Variants in TACR1 observed in about 807,000 individuals in gnomAD.
TACR1 encodes substance-P receptor.
TACR1 carries 25 observed loss-of-function variants against 35.8 expected under a neutral mutation model. That is an observed-to-expected ratio of 0.70 (90% CI 0.51 to 0.98). TACR1 has a LOEUF of 0.98. TACR1 is among the 50% of genes least tolerant of loss of function. The pLI, the probability that TACR1 is intolerant of heterozygous loss-of-function variation, is 0.00. For missense variants in TACR1, 478 were observed against 522.9 expected (o/e 0.91, Z 0.84); for synonymous variants, 195 against 206.7 (o/e 0.94, Z 0.48).
chr2:75,164,094 G>T (rs13432434), intron 1 of TACR1, among the ~76,000 whole-genome samples: 11,912 of 152,116 alleles, frequency 0.078, 578 homozygotes, highest in Non-Finnish European at 0.096. Context: ...TTGGGAGGCC[G>T]AGGCGGATGG....
intron 1 of TACR1, among the ~76,000 whole-genome samples, chr2:75,132,114 G>A (rs1013451380): frequency 6.6e-6 from 1 of 152,136 alleles, no homozygotes; most frequent in African/African-American, 2.4e-5. Context: ...TTGATTAGAG[G>A]AAAGAATCTT....
chr2:75,174,724 T>C (rs1223168262), intron 1 of TACR1, among the ~76,000 whole-genome samples: 2 of 152,188 alleles, frequency 1.3e-5, no homozygotes, highest in Non-Finnish European at 2.9e-5. Flanking sequence ...TCCATAGCAA[T>C]GGAGAGTGAA....
intron 1 of TACR1, among the ~76,000 whole-genome samples, chr2:75,124,057 C>T (rs1674024718): frequency 1.3e-5 from 2 of 152,156 alleles, no homozygotes; most frequent in African/African-American, 4.8e-5. Flanking sequence ...AAGCATTAAT[C>T]ATTAGGCTGC....
intron 2 of TACR1, among the ~76,000 whole-genome samples, chr2:75,103,676 A>G (rs1173667471): frequency 6.6e-6 from 1 of 152,166 alleles, no homozygotes; most frequent in African/African-American, 2.4e-5. Context: ...GAGTAGGAAC[A>G]TTCCTCTCCA....
chr2:75,182,829 A>G (rs765724652), intron 1 of TACR1, among the ~76,000 whole-genome samples: 1 of 152,180 alleles, frequency 6.6e-6, no homozygotes, highest in Non-Finnish European at 1.5e-5. Context: ...AAATCACCCA[A>G]TGACGCATTT....
chr2:75,083,637 T>C (rs1673135230), intron 2 of TACR1, among the ~76,000 whole-genome samples: 3 of 152,370 alleles, frequency 2.0e-5, no homozygotes, highest in Non-Finnish European at 4.4e-5. Flanking sequence ...GAAGAGGTCC[T>C]TCACTTCCCT....
At chr2:75,102,736 G>T (rs986745998) in intron 2 of TACR1, among the ~76,000 whole-genome samples, 2 of 152,026 alleles carry the variant, frequency 1.3e-5, no homozygotes, top group Admixed American at 1.3e-4. Context: ...GCAGCCATTG[G>T]TAAGTATATG....
At chr2:75,084,243 C>A (rs1157434250) in intron 2 of TACR1, among the ~76,000 whole-genome samples, 10 of 152,048 alleles carry the variant, frequency 6.6e-5, no homozygotes, top group African/African-American at 2.2e-4. Flanking sequence ...TGATTTGCAT[C>A]TATTGAACCA....
chr2:75,066,319 C>A (rs1672761945), intron 2 of TACR1, among the ~76,000 whole-genome samples: 1 of 152,190 alleles, frequency 6.6e-6, no homozygotes, highest in South Asian at 2.1e-4. Flanking sequence ...GAAAACAGAT[C>A]AGTCCTTGTC....
At position 75,198,850 on chromosome 2, in the gene TACR1, C is replaced by G. The variant is rs1323400882; in HGVS notation, c.85G>C (p.Ala29Pro). Residue 29 changes from alanine to proline, a missense_variant, in exon 1 of 5, where the codon GCC (alanine) becomes CCC (proline). Transcript: ENST00000305249. ...GCTGCCCAAAGGACAATTTGCCAGG[C>G]TGGTTGCACGAACTGATTGGGTTCC... ...TSEPNQFVQP[A>P]WQIVLWAAAY... 6.2e-7 allele frequency: 1 copy of G among 1,614,130 alleles called. No homozygotes were observed.
At chr2:75,137,508 G>A (rs910319023) in intron 1 of TACR1, among the ~76,000 whole-genome samples, 1 of 151,740 alleles carries the variant, frequency 6.6e-6, no homozygotes, top group African/African-American at 2.4e-5. Flanking sequence ...GGCGGATCAC[G>A]AGGTCAGGAG....
chr2:75,129,765 G>T (rs576600021), intron 1 of TACR1, among the ~76,000 whole-genome samples: 1 of 152,308 alleles, frequency 6.6e-6, no homozygotes, highest in African/African-American at 2.4e-5. Flanking sequence ...GAGTTTCCCT[G>T]ATTCTCTAGC....
At chr2:75,117,994 C>T (rs1673897180) in intron 2 of TACR1, among the ~76,000 whole-genome samples, 1 of 152,150 alleles carries the variant, frequency 6.6e-6, no homozygotes, top group Non-Finnish European at 1.5e-5. Flanking sequence ...ATTGCTTGAC[C>T]ATTATGACTC....
chr2:75,056,831 C>T (rs1672577853), intron 2 of TACR1, among the ~76,000 whole-genome samples: 1 of 152,144 alleles, frequency 6.6e-6, no homozygotes, highest in African/African-American at 2.4e-5. Context: ...AAATGTGTTA[C>T]AGTCAGGAGC....
chr2:75,168,112 G>A (rs965832227), intron 1 of TACR1, among the ~76,000 whole-genome samples: 3 of 152,164 alleles, frequency 2.0e-5, no homozygotes, highest in Non-Finnish European at 4.4e-5. Flanking sequence ...GAAATACTCA[G>A]TTTTCACAGA....
At chr2:75,153,466 A>C (rs910204646) in intron 1 of TACR1, among the ~76,000 whole-genome samples, 3 of 152,178 alleles carry the variant, frequency 2.0e-5, no homozygotes, top group African/African-American at 7.2e-5. Flanking sequence ...GTGAAATGTC[A>C]ATATTGACTG....
At chr2:75,053,790 A>T in intron 2 of TACR1, 35 bp from the exon 3 acceptor site, 1 of 1,613,604 alleles carries the variant, frequency 6.2e-7, no homozygotes, top group Non-Finnish European at 8.5e-7. Flanking sequence ...TCAGTATGAT[A>T]TACTTATTAT....
At chr2:75,169,189 A>G (rs1186217911) in intron 1 of TACR1, among the ~76,000 whole-genome samples, 1 of 152,142 alleles carries the variant, frequency 6.6e-6, no homozygotes, top group Non-Finnish European at 1.5e-5. Flanking sequence ...TTTCAATTTA[A>G]TTACATATAA....
intron 2 of TACR1, among the ~76,000 whole-genome samples, chr2:75,084,476 T>G (rs994161730): frequency 2.0e-5 from 3 of 152,222 alleles, no homozygotes; most frequent in Non-Finnish European, 4.4e-5. Context: ...CTTTTTCTAT[T>G]GTTTGGAATA....
Sources: allele counts gnomAD v4.1 joint callset (sites outside exome capture counted in the v4.1 genomes callset), GRCh38; gene constraint gnomAD v4.1.1; transcripts MANE v1.5; gene names NCBI Gene and HGNC (gene_info 2026-07-23, HGNC 2026-07-21).